The following CBFA2T3 variants were observed in gnomAD, a reference collection of about 807,000 sequenced individuals.
CBFA2T3 encodes transcriptional corepressor CBFA2T3.
Under a neutral mutation model 58.6 loss-of-function variants are expected in CBFA2T3, and 31 were observed. The ratio of observed to expected loss-of-function variants is 0.53; its 90% CI spans 0.40 to 0.71. The LOEUF (loss-of-function observed/expected upper bound fraction) is 0.71, where lower values mean the gene tolerates loss of function less well. Ranked by LOEUF, CBFA2T3 falls within the 30% of genes least tolerant of loss-of-function variation. The probability of loss-of-function intolerance (pLI) is 0.00; values close to 1 mark genes in which losing one functional copy is unlikely to be tolerated. For missense variants in CBFA2T3, 1,076 were observed against 963.1 expected (o/e 1.12, Z -1.55); for synonymous variants, 531 against 421.9 (o/e 1.26, Z -3.17).
intron 1 of CBFA2T3, among the ~76,000 whole-genome samples, chr16:88,902,755 A>C (rs534546622): frequency 6.6e-6 from 1 of 152,336 alleles, no homozygotes; most frequent in East Asian, 1.9e-4. Flanking sequence ...TCCGTGGCTG[A>C]GACTTCGGGG....
chr16:88,906,785 G>A (rs759310214), intron 1 of CBFA2T3, among the ~76,000 whole-genome samples: 24 of 152,198 alleles, frequency 1.6e-4, no homozygotes, highest in Non-Finnish European at 1.0e-4. Flanking sequence ...GGGTCTCAGA[G>A]CCCAGAAGCA....
In CBFA2T3 at chr16:88,885,201, A is replaced by T; in HGVS notation, c.962T>A (p.Leu321Gln). 6.2e-7 allele frequency: 1 copy of T among 1,602,340 alleles called. No homozygotes were observed. The highest frequency in any genetic ancestry group is 8.5e-7 in the Non-Finnish European group (1 of 1,173,270). Residue 321 changes from leucine (L) to glutamine (Q), a missense_variant, in exon 7 of 12, where the codon CTG (leucine) becomes CAG (glutamine). By Grantham distance (113) the Leu-to-Gln change is moderately radical (BLOSUM62 -2). Coordinates refer to ENST00000268679, the MANE Select transcript of CBFA2T3 (RefSeq NM_005187.6). This position sits in a 1 kb window ranked among gnomAD's most constrained non-coding sequence, Gnocchi z 5.3. ...GGGGCTGTAGCGCTGGGCAGGGTTC[A>T]GGGTGCATGGCCGTTTGCTGAGGTG... ...PEHLSKRPCT[L>Q]NPAQRYSPSN...
chr16:88,943,525 G>C lies in CBFA2T3; in HGVS notation c.151+33132C>G, dbSNP rs116048341. 3.8e-3 allele frequency among the ~76,000 whole-genome samples: 578 copies of C among 152,324 alleles called. 1 individual carries two copies. The highest frequency in any genetic ancestry group is 0.013 in the African/African-American group (546 of 41,582). Reference sequence around the variant, plus strand: ...TACTCAGGAGAGCTGTGGTGGCGTGGTAGAGAAGAAAGGGATATCGCAGGC... The same window carrying C: ...TACTCAGGAGAGCTGTGGTGGCGTGCTAGAGAAGAAAGGGATATCGCAGGC... On this transcript the variant is annotated intron_variant, in intron 1 of 11. Transcript: ENST00000268679.
chr16:88,900,753 G>A (rs1970063759), intron 2 of CBFA2T3, among the ~76,000 whole-genome samples: 1 of 152,200 alleles, frequency 6.6e-6, no homozygotes, highest in Non-Finnish European at 1.5e-5. Context: ...CCCAGCAACT[G>A]GGCCAAAGAG....
intron 5 of CBFA2T3, among the ~76,000 whole-genome samples, chr16:88,888,613 G>A (rs1393110852): frequency 7.0e-5 from 9 of 128,574 alleles, no homozygotes; most frequent in Non-Finnish European, 1.5e-4. Flanking sequence ...GGGAGGGGTG[G>A]GGTGGGGGCT....
intron 1 of CBFA2T3, among the ~76,000 whole-genome samples, chr16:88,940,668 C>T (rs936521417): frequency 2.0e-5 from 3 of 152,232 alleles, no homozygotes; most frequent in Non-Finnish European, 4.4e-5. Flanking sequence ...ACCTCTGCCT[C>T]TCCCAGGGCC....
intron 1 of CBFA2T3, among the ~76,000 whole-genome samples, chr16:88,911,678 T>C (rs1019789457): frequency 6.6e-6 from 1 of 152,264 alleles, no homozygotes; most frequent in African/African-American, 2.4e-5. Flanking sequence ...GAAAAGCGTC[T>C]AGAACAGAGC....
At chr16:88,878,472 G>A (rs925860958) in intron 11 of CBFA2T3, among the ~76,000 whole-genome samples, 7 of 152,344 alleles carry the variant, frequency 4.6e-5, no homozygotes, top group South Asian at 2.1e-4. Context: ...TCCCCTCTTC[G>A]TGGACAAGGC....
Position 88,881,367 on chromosome 16 carries a change from C to T in CBFA2T3, c.1326G>A (p.Glu442=), listed in dbSNP as rs749960652. ...CGGGAGCGGGGCCCTTCTTTGTGTCCTCGGCGTCGCTGTAGCGCCGCGCCC... is the reference window on the plus strand; with the variant it reads ...CGGGAGCGGGGCCCTTCTTTGTGTCTTCGGCGTCGCTGTAGCGCCGCGCCC... ...NHWARRYSDA[E]DTKKGPAPAA... is the part of the protein sequence containing the mutation. Residue 442 remains glutamate, a synonymous_variant, in exon 9 of 12, where the codon GAG becomes GAA. Transcript: ENST00000268679. 1 of 1,587,514 alleles carries T rather than the reference C, an allele frequency of 6.3e-7. No individual in the cohort carries two copies. The highest frequency in any genetic ancestry group is 8.6e-7 in the Non-Finnish European group (1 of 1,168,606).
intron 8 of CBFA2T3, among the ~76,000 whole-genome samples, chr16:88,881,904 G>C (rs1293381493): frequency 6.6e-6 from 1 of 152,354 alleles, no homozygotes; most frequent in South Asian, 2.1e-4. Flanking sequence ...TGCAGGATGG[G>C]GTGGGTGGGT....
intron 1 of CBFA2T3, among the ~76,000 whole-genome samples, chr16:88,951,826 G>A (rs1466015159): frequency 6.6e-6 from 1 of 152,226 alleles, no homozygotes; most frequent in African/African-American, 2.4e-5. Flanking sequence ...GACAGCCGCT[G>A]GGAAGAGAAG....
At chr16:88,879,487 G>A (rs781729083) in intron 10 of CBFA2T3, 27 bp from the exon 11 acceptor site, 20 of 1,593,554 alleles carry the variant, frequency 1.3e-5, no homozygotes, top group Middle Eastern at 1.7e-4. Flanking sequence ...CAGGGCTGGC[G>A]GTCACATGGG....
intron 8 of CBFA2T3, 80 bp downstream of exon 8, chr16:88,882,571 TGTGGGCGTGGCTGTGTGTGCATGGC>T: frequency 2.5e-6 from 1 of 401,302 alleles, no homozygotes; most frequent in Non-Finnish European, 4.3e-6. Flanking sequence ...TGGGCATGGC[TGTGGGCGTGGCTGTGTGTGCATGGC>T]TGTGTGTGCG....
intron 1 of CBFA2T3, among the ~76,000 whole-genome samples, chr16:88,929,382 G>A (rs1597741335): frequency 6.6e-6 from 1 of 152,206 alleles, no homozygotes; most frequent in African/African-American, 2.4e-5. Context: ...GCAAGGCCAA[G>A]CCCCCTGCCC....
At chr16:88,902,242 G>A (rs866040576) in intron 1 of CBFA2T3, among the ~76,000 whole-genome samples, 2 of 152,220 alleles carry the variant, frequency 1.3e-5, no homozygotes, top group Admixed American at 1.3e-4. Context: ...CCGGCAGGCA[G>A]GCCATTTAGG....
intron 1 of CBFA2T3, among the ~76,000 whole-genome samples, chr16:88,956,080 C>T (rs1193617001): frequency 1.3e-5 from 2 of 152,278 alleles, no homozygotes; most frequent in South Asian, 2.1e-4. Flanking sequence ...CCAGGCCTGC[C>T]GAGTTCCTGC....
intron 1 of CBFA2T3, among the ~76,000 whole-genome samples, chr16:88,950,099 C>T (rs1972014812): frequency 6.6e-6 from 1 of 152,122 alleles, no homozygotes; most frequent in African/African-American, 2.4e-5. Context: ...GGCCCCCTCT[C>T]CTCCTCTCCC....
intron 1 of CBFA2T3, among the ~76,000 whole-genome samples, chr16:88,933,174 C>T (rs1971375838): frequency 1.3e-5 from 2 of 152,350 alleles, no homozygotes; most frequent in South Asian, 4.1e-4. Flanking sequence ...CCCGGCCCTG[C>T]CTGGTGCACC....
At chr16:88,975,181 T>C (rs79133845) in intron 1 of CBFA2T3, among the ~76,000 whole-genome samples, 2,075 of 47,566 alleles carry the variant, frequency 0.044, 49 homozygotes, top group African/African-American at 0.07. Flanking sequence ...CTGCTCCACA[T>C]CTTTAGCCAT....
Sources: gnomAD v4.1 joint callset for allele counts (sites outside exome capture counted in the v4.1 genomes callset) on GRCh38, gnomAD v4.1.1 for gene constraint, Gnocchi (gnomAD v3.1) non-coding constraint, MANE v1.5 for transcripts, NCBI Gene and HGNC (gene_info 2026-07-23, HGNC 2026-07-21) for gene names.